ATP11A: variants seen among roughly 807,000 people sequenced by gnomAD.
ATP11A encodes the protein phospholipid-transporting ATPase IH.
A neutral mutation model predicts 154.4 loss-of-function variants in ATP11A; 81 were observed. The observed-to-expected ratio is 0.52, with a 90% confidence interval of 0.44 to 0.63. The LOEUF (loss-of-function observed/expected upper bound fraction) is 0.63, where lower values mean the gene tolerates loss of function less well. ATP11A is among the 30% of genes least tolerant of loss of function. The pLI, the probability that ATP11A is intolerant of heterozygous loss-of-function variation, is 0.00. For synonymous variants in ATP11A, 623 were observed against 585.9 expected (o/e 1.06, Z -0.91); for missense variants, 1,316 against 1,474.3 (o/e 0.89, Z 1.76).
At chr13:112,742,393 G>A (rs1891654698) in intron 1 of ATP11A, among the ~76,000 whole-genome samples, 1 of 152,150 alleles carries the variant, frequency 6.6e-6, no homozygotes, top group South Asian at 2.1e-4. Context: ...AGGAGCCCCT[G>A]CGGGCGCTGG....
intron 25 of ATP11A, among the ~76,000 whole-genome samples, chr13:112,871,130 T>C (rs1441022618): frequency 1.3e-5 from 2 of 152,318 alleles, no homozygotes; most frequent in African/African-American, 4.8e-5. Flanking sequence ...GGCTTCCCCC[T>C]CTGCATGGGT....
chr13:112,711,590 T>G (rs77276061), intron 1 of ATP11A, among the ~76,000 whole-genome samples: 2,051 of 150,618 alleles, frequency 0.014, 50 homozygotes, highest in African/African-American at 0.047. Flanking sequence ...AGGAGTCAGG[T>G]CAGGGCTCTG....
At chr13:112,768,783 G>A (rs176081) in intron 1 of ATP11A, among the ~76,000 whole-genome samples, 20,375 of 152,198 alleles carry the variant, frequency 0.13, 1,883 homozygotes, top group African/African-American at 0.25. Flanking sequence ...CGTGGGTGAC[G>A]CAGTGTTTTC....
At chr13:112,706,511 C>T (rs1009977851) in intron 1 of ATP11A, among the ~76,000 whole-genome samples, 2 of 152,288 alleles carry the variant, frequency 1.3e-5, no homozygotes, top group African/African-American at 4.8e-5. Flanking sequence ...TCCAGGAGCT[C>T]GGTTCTGCTA....
intron 1 of ATP11A, among the ~76,000 whole-genome samples, chr13:112,737,970 C>T (rs932968842): frequency 3.9e-5 from 6 of 152,208 alleles, no homozygotes; most frequent in African/African-American, 1.4e-4. Flanking sequence ...AGGTCCTCTC[C>T]CTCAGCCCTT....
At chr13:112,872,483 C>T (rs1002111943) in intron 26 of ATP11A, among the ~76,000 whole-genome samples, 9 of 152,184 alleles carry the variant, frequency 5.9e-5, no homozygotes, top group East Asian at 1.9e-4. Flanking sequence ...TGGTGGCACG[C>T]GCCTGTAATC....
At chr13:112,740,181 T>C (rs946993201) in intron 1 of ATP11A, among the ~76,000 whole-genome samples, 10 of 151,106 alleles carry the variant, frequency 6.6e-5, no homozygotes, top group African/African-American at 1.9e-4. Flanking sequence ...GATATCTATA[T>C]GTATATATAT....
intron 1 of ATP11A, among the ~76,000 whole-genome samples, chr13:112,778,408 A>T (rs992525214): frequency 6.6e-6 from 1 of 152,264 alleles, no homozygotes; most frequent in African/African-American, 2.4e-5. Flanking sequence ...TCAGAGTTGG[A>T]CGTAAAACAC....
At chr13:112,730,956 G>A (rs752159717) in intron 1 of ATP11A, among the ~76,000 whole-genome samples, 2 of 152,110 alleles carry the variant, frequency 1.3e-5, no homozygotes, top group Middle Eastern at 3.2e-3. Context: ...TATTTTTTGA[G>A]ACGGAGTCTT....
rs1370331763 is a variant in ATP11A at position 112,866,533 on chromosome 13, C to A, written c.2991+3958C>A. Among the ~76,000 whole-genome samples the A allele has an allele frequency of 2.0e-4, 30 of 151,326 alleles. 1 individual carries two copies. The Admixed American group carries it at 2.0e-3, about 10-fold the overall frequency. On this transcript the variant is annotated intron_variant, in intron 25 of 29. Coordinates refer to ENST00000375645, the MANE Select transcript of ATP11A (RefSeq NM_015205.3). ...TCCTGAGAGAGCCACACCAGGCATT[C>A]GGTAGATGTCAGAGACCATCCCTGC...
At chr13:112,761,786 T>C (rs997303783) in intron 1 of ATP11A, among the ~76,000 whole-genome samples, 2 of 152,222 alleles carry the variant, frequency 1.3e-5, no homozygotes, top group African/African-American at 4.8e-5. Flanking sequence ...CCTTAGTCTG[T>C]CACTTGTCAG....
At chr13:112,705,949 A>AAT (rs1462433859) in intron 1 of ATP11A, among the ~76,000 whole-genome samples, 2 of 152,204 alleles carry the variant, frequency 1.3e-5, no homozygotes, top group East Asian at 3.9e-4. Flanking sequence ...CATGGCGTTA[A>AAT]ATACACTCAG....
Position 112,855,901 on chromosome 13 carries a change from A to G in ATP11A, c.2244-10A>G. On this transcript the variant is annotated splice_polypyrimidine_tract_variant and intron_variant, in intron 19 of 29. Coordinates refer to ENST00000375645, the MANE Select transcript of ATP11A (RefSeq NM_015205.3). The stretch of plus-strand genomic sequence containing the variant: ...ATTGAGCAATCTTTCTGACTCACGT[A>G]CTCTAACAGACTTTCAGCAGATATG... 1 of 1,598,890 alleles carries G rather than the reference A, an allele frequency of 6.3e-7. No individual in the cohort carries two copies.
At chr13:112,828,169 G>A (rs78910065) in intron 12 of ATP11A, among the ~76,000 whole-genome samples, 106 of 29,698 alleles carry the variant, frequency 3.6e-3, no homozygotes, top group South Asian at 7.4e-3. Flanking sequence ...AGCGTTGAGT[G>A]GGGGGAAAGC....
At chr13:112,732,688 T>C (rs1192696648) in intron 1 of ATP11A, among the ~76,000 whole-genome samples, 2 of 152,244 alleles carry the variant, frequency 1.3e-5, no homozygotes, top group Non-Finnish European at 2.9e-5. Flanking sequence ...CTCGGCTCAC[T>C]GCAACCTCCC....
intron 5 of ATP11A, among the ~76,000 whole-genome samples, chr13:112,815,263 A>G (rs948789146): frequency 1.3e-5 from 2 of 151,270 alleles, no homozygotes; most frequent in Non-Finnish European, 2.9e-5. Context: ...CACCCTTCAG[A>G]CACACAGTCC....
In ATP11A at chr13:112,789,149, A is replaced by G. The variant is rs551305138; in HGVS notation, c.162+3892A>G. ...CTTGTGGTAGACCTACTTAATTCACACCGAGTGTCCTGATGTGTAGACTCC... is the reference window on the plus strand; with the variant it reads ...CTTGTGGTAGACCTACTTAATTCACGCCGAGTGTCCTGATGTGTAGACTCC... On this transcript the variant is annotated intron_variant, in intron 2 of 29. Transcript: ENST00000375645. Among the ~76,000 whole-genome samples the G allele has an allele frequency of 4.7e-5, 7 of 148,640 alleles. No individual in the cohort carries two copies. In the South Asian group the frequency reaches 1.5e-3, roughly 32 times the overall value.
chr13:112,825,621 G>A (rs1020614250), intron 11 of ATP11A, 41 bp downstream of exon 11: 1 of 1,552,128 alleles, frequency 6.4e-7, no homozygotes, highest in South Asian at 1.2e-5. Flanking sequence ...GAGGTGACCT[G>A]TGGGCCATTA....
intron 1 of ATP11A, among the ~76,000 whole-genome samples, chr13:112,749,777 C>T (rs545014938): frequency 7.5e-5 from 11 of 147,124 alleles, no homozygotes; most frequent in Non-Finnish European, 1.6e-4. Context: ...CACGTGGGGA[C>T]ACGCCTGCTG....
Sources: allele counts gnomAD v4.1 joint callset (sites outside exome capture counted in the v4.1 genomes callset), GRCh38; gene constraint gnomAD v4.1.1; transcripts MANE v1.5; gene names NCBI Gene and HGNC (gene_info 2026-07-23, HGNC 2026-07-21).